Variants in PKDCC observed in about 807,000 individuals in gnomAD.
PKDCC encodes protein kinase domain containing, cytoplasmic.
Under a neutral mutation model 44.7 loss-of-function variants are expected in PKDCC, and 35 were observed. The ratio of observed to expected loss-of-function variants is 0.78; its 90% CI spans 0.60 to 1.04. PKDCC has a LOEUF of 1.04. PKDCC is among the 50% of genes least tolerant of loss of function. PKDCC has a pLI of 0.00. For synonymous variants in PKDCC, 353 were observed against 303.3 expected (o/e 1.16, Z -1.70); for missense variants, 738 against 672.7 (o/e 1.10, Z -1.07).
Position 42,048,563 on chromosome 2 carries a change from G to T in PKDCC, c.364G>T (p.Gly122Cys), listed in dbSNP as rs1326313940. ...APGWPPAPGP[G>C]SPGPGPRLGC... The stretch of plus-strand genomic sequence containing the variant: ...AGGCTGGCCCCCGGCTCCCGGCCCA[G>T]GCTCCCCCGGCCCGGGCCCGCGCCT... Residue 122 changes from glycine to cysteine, a missense_variant, in exon 1 of 7, where the codon GGC (glycine) becomes TGC (cysteine). Transcript: ENST00000294964. This position sits in a 1 kb window ranked among gnomAD's most constrained non-coding sequence, Gnocchi z 6.2. The T allele has an allele frequency of 1.7e-5, 22 of 1,311,582 alleles. No individual in the cohort carries two copies. Among genetic ancestry groups the T allele is most frequent in the Non-Finnish European group, 2.1e-5 (22 of 1,036,626 alleles). The allele number at this position is 1,311,582 out of a possible 1,614,324, so 81.2% of individuals were successfully genotyped here.
rs1236705503 is a variant in PKDCC at position 42,057,377 on chromosome 2, A to G, written c.1379A>G (p.Asn460Ser). ...HAQCRAFVVT[N>S]QTTWTGRQLV... is the part of the protein sequence containing the mutation. ...CAGTGTCGGGCCTTTGTGGTCACCAACCAGACCACCTGGACAGGTGAGCCA... is the reference window on the plus strand; with the variant it reads ...CAGTGTCGGGCCTTTGTGGTCACCAGCCAGACCACCTGGACAGGTGAGCCA... Residue 460 changes from asparagine (N) to serine (S), a missense_variant, in exon 6 of 7, where the codon AAC becomes AGC. Coordinates refer to ENST00000294964, the MANE Select transcript of PKDCC (RefSeq NM_138370.3). 1 of 1,614,080 alleles carries G rather than the reference A, an allele frequency of 6.2e-7. No homozygotes were observed. The highest frequency in any genetic ancestry group is 1.3e-5 in the African/African-American group (1 of 74,934).
At position 42,048,244 on chromosome 2, in the gene PKDCC, C is replaced by T. The variant is rs1667900481; in HGVS notation, c.45C>T (p.Ser15=). The change falls in exon 1 of 7, where the codon TCC becomes TCT. Residue 15 remains serine, a synonymous_variant. Coordinates refer to ENST00000294964, the MANE Select transcript of PKDCC (RefSeq NM_138370.3). This position sits in a 1 kb window ranked among gnomAD's most constrained non-coding sequence, Gnocchi z 6.2. ...RAAVAAGFCA[S]FLLGSVLNVL... is the part of the protein sequence containing the mutation. ...CAGTGGCCGCGGGTTTCTGCGCCTC[C>T]TTCCTGCTGGGCTCCGTCCTCAACG... 1.6e-6 allele frequency: 2 copies of T among 1,273,436 alleles called. No individual in the cohort carries two copies. The highest frequency in any genetic ancestry group is 2.0e-6 in the Non-Finnish European group (2 of 998,220). 78.9% of individuals were successfully genotyped at this position (1,273,436 alleles called of 1,614,324 possible). A position where few individuals can be genotyped will look rare whatever the true frequency, so the allele number is the denominator to read the frequency against.
At position 42,057,300 on chromosome 2, in the gene PKDCC, C is replaced by T. The variant is rs1477091490; in HGVS notation, c.1302C>T (p.Leu434=). The T allele has an allele frequency of 1.2e-6, 2 of 1,614,094 alleles. No individual in the cohort carries two copies. The highest frequency in any genetic ancestry group is 2.7e-5 in the African/African-American group (2 of 74,934). ...CWPSYHHGSC[L]LSVFNLAEAV... is the part of the protein sequence containing the mutation. ...CATCCTACCACCACGGGAGCTGCCT[C>T]CTTTCAGTGTTCAACCTGGCTGAGG... The change falls in exon 6 of 7, where the codon CTC becomes CTT. Residue 434 remains leucine, a synonymous_variant. Coordinates refer to ENST00000294964, the MANE Select transcript of PKDCC (RefSeq NM_138370.3).
chr2:42,048,812 C>T lies in PKDCC; in HGVS notation c.613C>T (p.Arg205Trp). ...KLLKEMVLLE[R>W]LRHPNVLQLY... is the part of the protein sequence containing the mutation. Reference sequence around the variant, plus strand: ...GCTTAAGGAGATGGTGCTGCTGGAGCGGCTGCGGCACCCCAACGTGCTGCA... The same window carrying T: ...GCTTAAGGAGATGGTGCTGCTGGAGTGGCTGCGGCACCCCAACGTGCTGCA... Residue 205 changes from arginine to tryptophan, a missense_variant, in exon 1 of 7, where the codon CGG becomes TGG. Coordinates refer to ENST00000294964, the MANE Select transcript of PKDCC (RefSeq NM_138370.3). This position sits in a 1 kb window ranked among gnomAD's most constrained non-coding sequence, Gnocchi z 6.2. The T allele has an allele frequency of 1.4e-6, 2 of 1,470,726 alleles. No homozygotes were observed. Among genetic ancestry groups the T allele is most frequent in the Admixed American group, 2.0e-5 (1 of 50,246 alleles). 91.1% of individuals were successfully genotyped at this position (1,470,726 alleles called of 1,614,324 possible).
intron 2 of PKDCC, 75 bp from the exon 3 acceptor site, chr2:42,053,961 G>T: frequency 5.2e-6 from 8 of 1,538,340 alleles, no homozygotes; most frequent in Non-Finnish European, 7.0e-6. Context: ...GATTCCAAGA[G>T]GAGGGTGCCC....
chr2:42,055,519 G>A lies in PKDCC; in HGVS notation c.1222+126G>A, dbSNP rs991542543. On this transcript the variant is annotated intron_variant, in intron 5 of 6. Transcript: ENST00000294964. This position sits in a 1 kb window ranked among gnomAD's most constrained non-coding sequence, Gnocchi z 4.5. ...CCTTGTCTCCAAAGGCCACTGTAGG[G>A]GCTCACATAGAATCATGGAGGGGCT... 1.1e-5 allele frequency: 8 copies of A among 729,390 alleles called. No individual in the cohort carries two copies. Among genetic ancestry groups the A allele is most frequent in the South Asian group, 1.8e-5 (1 of 54,958 alleles). The allele number at this position is 729,390 out of a possible 1,614,324, so 45.2% of individuals were successfully genotyped here.
Position 42,048,119 on chromosome 2 carries a change from C to T in PKDCC, c.-81C>T. On this transcript the variant is annotated 5_prime_UTR_variant, in exon 1 of 7. Coordinates refer to ENST00000294964, the MANE Select transcript of PKDCC (RefSeq NM_138370.3). This position sits in a 1 kb window ranked among gnomAD's most constrained non-coding sequence, Gnocchi z 6.2. ...GGCAGGGGGCCGGCGGGGCGCAGAG[C>T]GGAGCCGCCTCGGAGCCTGAGCCGC... 4 of 810,778 alleles carry T rather than the reference C, an allele frequency of 4.9e-6. No homozygotes were observed. The highest frequency in any genetic ancestry group is 5.8e-6 in the Non-Finnish European group (4 of 695,586). The allele number at this position is 810,778 out of a possible 1,614,324, so 50.2% of individuals were successfully genotyped here.
rs2103930980 is a variant in PKDCC, at chr2:42,055,408, G to C, written c.1222+15G>C. 6.2e-7 allele frequency: 1 copy of C among 1,609,928 alleles called. No individual in the cohort carries two copies. The highest frequency in any genetic ancestry group is 2.2e-5 in the East Asian group (1 of 44,808). ...CAGCAGTACCGGTGAGTGGCCCCAA[G>C]CTGATCCACAGGGAAGCAAGAAACA... On this transcript the variant is annotated intron_variant, in intron 5 of 6. Transcript: ENST00000294964. The surrounding 1 kb of genome is among the most constrained non-coding windows in gnomAD (Gnocchi z 4.5).
Position 42,055,382 on chromosome 2 carries a change from G to C in PKDCC, c.1211G>C (p.Ser404Thr). 6.2e-7 allele frequency: 1 copy of C among 1,613,520 alleles called. No homozygotes were observed. Among genetic ancestry groups the C allele is most frequent in the African/African-American group, 1.3e-5 (1 of 75,048 alleles). The change falls in exon 5 of 7, where the codon AGC (serine) becomes ACC (threonine). Residue 404 changes from serine (S) to threonine (T), a missense_variant. Transcript: ENST00000294964. This position sits in a 1 kb window ranked among gnomAD's most constrained non-coding sequence, Gnocchi z 4.5. ...SGQYLQNSTA[S>T]SSTEYQCIPD... ...CAGTATCTGCAGAACTCCACGGCAA[G>C]CAGCAGTACCGGTGAGTGGCCCCAA...
Position 42,048,622 on chromosome 2 carries a change from G to A in PKDCC, c.423G>A (p.Ala141=), listed in dbSNP as rs1334595937. The A allele has an allele frequency of 6.5e-7, 1 of 1,528,048 alleles. No individual in the cohort carries two copies. The highest frequency in any genetic ancestry group is 8.8e-7 in the Non-Finnish European group (1 of 1,138,310). The allele number at this position is 1,528,048 out of a possible 1,614,324, so 94.7% of individuals were successfully genotyped here. A position where few individuals can be genotyped will look rare whatever the true frequency, so the allele number is the denominator to read the frequency against. The change falls in exon 1 of 7, where the codon GCG becomes GCA. Residue 141 remains alanine, a synonymous_variant. Coordinates refer to ENST00000294964, the MANE Select transcript of PKDCC (RefSeq NM_138370.3). This position sits in a 1 kb window ranked among gnomAD's most constrained non-coding sequence, Gnocchi z 6.2. ...CCGCGCTTCGCAACGTGTCCGGCGC[G>A]CAGTACATGGGCTCAGGCTACACCA... ...GCAALRNVSG[A]QYMGSGYTKA...
Position 42,054,572 on chromosome 2 carries a change from G to A in PKDCC, c.1034+265G>A, listed in dbSNP as rs1031341629. The A allele has an allele frequency of 1.6e-5, 9 of 556,078 alleles. No homozygotes were observed. Among genetic ancestry groups the A allele is most frequent in the African/African-American group, 7.5e-5 (4 of 53,346 alleles). The allele number at this position is 556,078 out of a possible 1,614,324, so 34.4% of individuals were successfully genotyped here. A position where few individuals can be genotyped will look rare whatever the true frequency, so the allele number is the denominator to read the frequency against. ...GTTGGACTCGGAGCCTAGGGCTGGT[G>A]GAACTGGCACTTTTCCCTTCCCACC... On this transcript the variant is annotated intron_variant, in intron 3 of 6. Transcript: ENST00000294964. The surrounding 1 kb of genome is among the most constrained non-coding windows in gnomAD (Gnocchi z 6.1).
chr2:42,055,261 G>A lies in PKDCC; in HGVS notation c.1115-25G>A. On this transcript the variant is annotated intron_variant, in intron 4 of 6. Transcript: ENST00000294964. The surrounding 1 kb of genome is among the most constrained non-coding windows in gnomAD (Gnocchi z 4.5). The stretch of plus-strand genomic sequence containing the variant: ...GAGGAGTGGGAGCCCCAGGCATCCT[G>A]TCTTAGCCACACTGCACTCTGCAGG... The A allele has an allele frequency of 6.2e-7, 1 of 1,601,486 alleles. No individual in the cohort carries two copies. Among genetic ancestry groups the A allele is most frequent in the African/African-American group, 1.3e-5 (1 of 74,902 alleles).
At position 42,054,744 on chromosome 2, in the gene PKDCC, A is replaced by G. The variant is rs1165696438; in HGVS notation, c.1035-197A>G. Reference sequence around the variant, plus strand: ...AAGCAGGCCCCTGGTTTCGGTTAGTATGAAGTTAGGTGTGGTGTTAGCATG... The same window carrying G: ...AAGCAGGCCCCTGGTTTCGGTTAGTGTGAAGTTAGGTGTGGTGTTAGCATG... On this transcript the variant is annotated intron_variant, in intron 3 of 6. Coordinates refer to ENST00000294964, the MANE Select transcript of PKDCC (RefSeq NM_138370.3). This position sits in a 1 kb window ranked among gnomAD's most constrained non-coding sequence, Gnocchi z 6.1. 3.1e-6 allele frequency: 2 copies of G among 647,472 alleles called. No homozygotes were observed. Among genetic ancestry groups the G allele is most frequent in the East Asian group, 5.1e-5 (2 of 39,236 alleles). 40.1% of individuals were successfully genotyped at this position (647,472 alleles called of 1,614,324 possible). A position where few individuals can be genotyped will look rare whatever the true frequency, so the allele number is the denominator to read the frequency against.
Position 42,048,335 on chromosome 2 carries a change from G to T in PKDCC, c.136G>T (p.Gly46Cys). The T allele has an allele frequency of 8.5e-7, 1 of 1,178,190 alleles. No individual in the cohort carries two copies. Among genetic ancestry groups the T allele is most frequent in the Non-Finnish European group, 1.0e-6 (1 of 953,138 alleles). 73.0% of individuals were successfully genotyped at this position (1,178,190 alleles called of 1,614,324 possible). The change falls in exon 1 of 7, where the codon GGT becomes TGT. Residue 46 changes from glycine (G) to cysteine (C), a missense_variant. Physicochemically the swap from Gly to Cys is radical, Grantham distance 159. Transcript: ENST00000294964. The surrounding 1 kb of genome is among the most constrained non-coding windows in gnomAD (Gnocchi z 6.2). ...GQSPEPSPAP[G>C]PGRRGGRGEL... is the part of the protein sequence containing the mutation. ...GTCCCCTGAGCCTTCGCCGGCCCCG[G>T]GTCCGGGCCGTCGCGGGGGCCGCGG...
chr2:42,053,359 C>T lies in PKDCC; in HGVS notation c.760C>T (p.Arg254Ter), dbSNP rs754356956. Reference protein sequence around the residue: ...LLQTSWEDRFRICLSLGRLLH... With the variant: ...LLQTSWEDRF ...GCAAACTTCCTGGGAGGATCGATTC[C>T]GAGTGAGCTCAGAGGAGGGCTCGGG... is the stretch of plus-strand genomic sequence containing the variant. The change falls in exon 2 of 7, where the codon CGA becomes TGA. Residue 254 changes from arginine to a stop codon, truncating the protein, a stop_gained and splice_region_variant. Coordinates refer to ENST00000294964, the MANE Select transcript of PKDCC (RefSeq NM_138370.3). LOFTEE classifies it high-confidence loss of function. 1 of 1,610,804 alleles carries T rather than the reference C, an allele frequency of 6.2e-7. No homozygotes were observed. The highest frequency in any genetic ancestry group is 8.5e-7 in the Non-Finnish European group (1 of 1,178,310).
intron 1 of PKDCC, among the ~76,000 whole-genome samples, chr2:42,050,139 G>C (rs550564138): frequency 1.3e-5 from 2 of 152,314 alleles, no homozygotes; most frequent in African/African-American, 2.4e-5. Context: ...TCAGACACTT[G>C]TGACCGGGCC....
chr2:42,048,223 G>T lies in PKDCC; in HGVS notation c.24G>T (p.Val8=). The T allele has an allele frequency of 8.1e-7, 1 of 1,236,566 alleles. No individual in the cohort carries two copies. The highest frequency in any genetic ancestry group is 1.0e-6 in the Non-Finnish European group (1 of 978,270). The allele number at this position is 1,236,566 out of a possible 1,614,324, so 76.6% of individuals were successfully genotyped here. A position where few individuals can be genotyped will look rare whatever the true frequency, so the allele number is the denominator to read the frequency against. Residue 8 remains valine, a synonymous_variant, in exon 1 of 7, where the codon GTG becomes GTT. Coordinates refer to ENST00000294964, the MANE Select transcript of PKDCC (RefSeq NM_138370.3). This position sits in a 1 kb window ranked among gnomAD's most constrained non-coding sequence, Gnocchi z 6.2. MRRRRAA[V]AAGFCASFLL... ...CGATGCGGCGCCGGCGGGCGGCAGT[G>T]GCCGCGGGTTTCTGCGCCTCCTTCC...
Position 42,057,142 on chromosome 2 carries a change from T to C in PKDCC, c.1223-79T>C. ...ACCTAGGAAATGAGTCTTGCTGCCC[T>C]TTCCAGAAAGTGACACATCCTTGGG... is the stretch of plus-strand genomic sequence containing the variant. On this transcript the variant is annotated intron_variant, in intron 5 of 6. Transcript: ENST00000294964. 3 of 1,518,066 alleles carry C rather than the reference T, an allele frequency of 2.0e-6. No individual in the cohort carries two copies. In the South Asian group the frequency reaches 3.6e-5, roughly 18 times the overall value. The allele number at this position is 1,518,066 out of a possible 1,614,324, so 94.0% of individuals were successfully genotyped here.
At chr2:42,053,190 T>TGCCC in intron 1 of PKDCC, 49 bp from the exon 2 acceptor site, 136 of 1,199,936 alleles carry the variant, frequency 1.1e-4, no homozygotes, top group Middle Eastern at 2.2e-4. Flanking sequence ...CCCTTCCCTG[T>TGCCC]CCCCACCCCC....
Sources: gnomAD v4.1 joint callset for allele counts (sites outside exome capture counted in the v4.1 genomes callset) on GRCh38, gnomAD v4.1.1 for gene constraint, Gnocchi (gnomAD v3.1) non-coding constraint, MANE v1.5 for transcripts, NCBI Gene and HGNC (gene_info 2026-07-23, HGNC 2026-07-21) for gene names.